The following ZNF710 variants were observed in gnomAD, a reference collection of about 807,000 sequenced individuals.
ZNF710 encodes zinc finger protein 710.
ZNF710 carries 13 observed loss-of-function variants against 50.6 expected under a neutral mutation model. The ratio of observed to expected loss-of-function variants is 0.26; its 90% confidence interval spans 0.17 to 0.41. The LOEUF (loss-of-function observed/expected upper bound fraction) is 0.41, where lower values mean the gene tolerates loss of function less well. Among genes scored for constraint, ZNF710 ranks in the 10% least tolerant of loss-of-function variants. The pLI, the probability that ZNF710 is intolerant of heterozygous loss-of-function variation, is 1.00. For missense variants in ZNF710, 721 were observed against 936.6 expected, an observed-to-expected ratio of 0.77 and a Z score of 3.01; for synonymous variants, 383 against 397.0, an observed-to-expected ratio of 0.96 and a Z score of 0.42.
chr15:90,067,811 C>G lies in ZNF710; in HGVS notation c.674C>G (p.Pro225Arg), dbSNP rs374982663. 7.3e-5 allele frequency: 116 copies of G among 1,583,250 alleles called. No individual in the cohort carries two copies. The highest frequency in any genetic ancestry group is 9.3e-5 in the Non-Finnish European group (108 of 1,164,774). ...ECGFEPPHLAPLSDPEAPSME... is the reference protein window; with the variant it reads ...ECGFEPPHLARLSDPEAPSME... Reference sequence around the variant, plus strand: ...GGGTTCGAGCCACCCCACCTGGCCCCCCTGAGTGACCCCGAGGCCCCCAGC... The same window carrying G: ...GGGTTCGAGCCACCCCACCTGGCCCGCCTGAGTGACCCCGAGGCCCCCAGC... Residue 225 changes from proline (P) to arginine (R), a missense_variant, in exon 2 of 5, where the codon CCC becomes CGC. Physicochemically the swap from Pro to Arg is moderately radical, Grantham distance 103. Coordinates refer to ENST00000268154, the MANE Select transcript of ZNF710 (RefSeq NM_198526.4). The surrounding 1 kb of genome is among the most constrained non-coding windows in gnomAD (Gnocchi z 8.1).
At chr15:90,057,030 C>G (rs907071517) in intron 1 of ZNF710, among the ~76,000 whole-genome samples, 2 of 152,188 alleles carry the variant, frequency 1.3e-5, no homozygotes, top group Non-Finnish European at 2.9e-5. Flanking sequence ...CCGCCACCCC[C>G]ACTTGCCCAA....
chr15:90,073,374 G>T (rs1260717493), intron 3 of ZNF710, 112 bp downstream of exon 3: 6 of 1,308,834 alleles, frequency 4.6e-6, no homozygotes, highest in Non-Finnish European at 6.3e-6. Context: ...GCGGGCAAGA[G>T]GAGCCCCGGC....
At chr15:90,049,294 G>C (rs1357007365) in intron 1 of ZNF710, among the ~76,000 whole-genome samples, 1 of 152,160 alleles carries the variant, frequency 6.6e-6, no homozygotes, top group Non-Finnish European at 1.5e-5. Context: ...GCAGTACAGC[G>C]AGGAGGTGGC....
Position 90,040,777 on chromosome 15 carries a change from C to G in ZNF710, c.-28-26333C>G, listed in dbSNP as rs370822094. 1.3e-5 allele frequency among the ~76,000 whole-genome samples: 2 copies of G among 152,198 alleles called. No individual in the cohort carries two copies. Among genetic ancestry groups the G allele is most frequent in the African/African-American group, 2.4e-5 (1 of 41,448 alleles). ...CTTACTTCCTCCTTCCTGTTATTTA[C>G]GTCCATGTTCTGAAATAATATGTTA... On this transcript the variant is annotated intron_variant, in intron 1 of 4. Coordinates refer to ENST00000268154, the MANE Select transcript of ZNF710 (RefSeq NM_198526.4). The surrounding 1 kb of genome is among the most constrained non-coding windows in gnomAD (Gnocchi z 4.6).
intron 1 of ZNF710, among the ~76,000 whole-genome samples, chr15:90,046,422 C>T (rs1292586829): frequency 6.6e-6 from 1 of 152,116 alleles, no homozygotes; most frequent in Non-Finnish European, 1.5e-5. Context: ...CTATCCCTGC[C>T]CCGCAGAGCC....
chr15:90,008,280 TCTCA>T (rs1469685404), intron 1 of ZNF710, among the ~76,000 whole-genome samples: 1 of 151,690 alleles, frequency 6.6e-6, no homozygotes, highest in Non-Finnish European at 1.5e-5. Flanking sequence ...TTGTCTTTTC[TCTCA>T]TTCATTTTGT....
At chr15:90,026,183 A>G (rs1161770388) in intron 1 of ZNF710, among the ~76,000 whole-genome samples, 1 of 151,714 alleles carries the variant, frequency 6.6e-6, no homozygotes, top group Non-Finnish European at 1.5e-5. Context: ...TTTTAAACAA[A>G]CAGTAAAGTA....
At chr15:90,033,815 C>G (rs563013520) in intron 1 of ZNF710, among the ~76,000 whole-genome samples, 1 of 152,340 alleles carries the variant, frequency 6.6e-6, no homozygotes, top group Non-Finnish European at 1.5e-5. Context: ...AGATGGCCTT[C>G]TGAGTCCTGC....
intron 1 of ZNF710, among the ~76,000 whole-genome samples, chr15:90,057,178 A>G (rs1213845676): frequency 6.6e-6 from 1 of 152,112 alleles, no homozygotes; most frequent in Non-Finnish European, 1.5e-5. Context: ...CTTTGGCCCA[A>G]GTTCTTTCAG....
chr15:90,039,334 T>C (rs1411937328), intron 1 of ZNF710, among the ~76,000 whole-genome samples: 1 of 151,874 alleles, frequency 6.6e-6, no homozygotes, highest in Non-Finnish European at 1.5e-5. Context: ...ATGATTTCAC[T>C]GGCAGGGCAG....
At chr15:89,999,811 C>T (rs1384522132), upstream of ZNF710, among the ~76,000 whole-genome samples, 2 of 151,954 alleles carry the variant, frequency 1.3e-5, no homozygotes, top group Non-Finnish European at 2.9e-5. Context: ...TCTGCTCCTC[C>T]CTGGGAGAAG....
chr15:90,081,293 T>C lies in ZNF710; in HGVS notation c.*1464T>C, dbSNP rs1243875975. 2.0e-5 allele frequency: 3 copies of C among 150,876 alleles called. No individual in the cohort carries two copies. The highest frequency in any genetic ancestry group is 7.3e-5 in the African/African-American group (3 of 40,932). 9.3% of individuals were successfully genotyped at this position (150,876 alleles called of 1,614,324 possible). Reference sequence around the variant, plus strand: ...AGATGACAGGCCCAGGGCAGTGAAATAGCACATTCAGGAACTCTAGGGCAC... The same window carrying C: ...AGATGACAGGCCCAGGGCAGTGAAACAGCACATTCAGGAACTCTAGGGCAC... On this transcript the variant is annotated 3_prime_UTR_variant, in exon 5 of 5. Coordinates refer to ENST00000268154, the MANE Select transcript of ZNF710 (RefSeq NM_198526.4).
intron 1 of ZNF710, among the ~76,000 whole-genome samples, chr15:90,033,244 C>T (rs1249913433): frequency 1.3e-5 from 2 of 152,156 alleles, no homozygotes; most frequent in African/African-American, 4.8e-5. Context: ...CGTGGCAGGA[C>T]TCAGGACTAA....
intron 1 of ZNF710, among the ~76,000 whole-genome samples, chr15:90,026,261 A>ACC (rs1412231554): frequency 3.5e-5 from 4 of 113,984 alleles, no homozygotes; most frequent in Non-Finnish European, 7.0e-5. Context: ...AAACAACAAC[A>ACC]ACAACAACAA....
intron 1 of ZNF710, among the ~76,000 whole-genome samples, chr15:90,016,904 G>A (rs1366452605): frequency 3.3e-5 from 5 of 152,242 alleles, no homozygotes; most frequent in African/African-American, 1.2e-4. Context: ...AGCCCAGCCA[G>A]CCACATCAGA....
intron 1 of ZNF710, among the ~76,000 whole-genome samples, chr15:90,030,350 A>AG (rs1555456691): frequency 1.3e-5 from 2 of 150,652 alleles, no homozygotes; most frequent in Non-Finnish European, 1.5e-5. Flanking sequence ...AAAAAAAAAA[A>AG]AAAGAAAGAA....
chr15:90,042,007 C>G (rs1899311174), intron 1 of ZNF710, among the ~76,000 whole-genome samples: 1 of 151,034 alleles, frequency 6.6e-6, no homozygotes, highest in Non-Finnish European at 1.5e-5. Flanking sequence ...AAGTGATTCT[C>G]CTGCCTCAGC....
rs557149179 is a variant in ZNF710, at chr15:90,061,690, C to T, written c.-28-5420C>T. ...CCTCTGCTCCTAGAGTGATGGGGTC[C>T]CCATGAGAGGAAAGGAGCACTGTTG... On this transcript the variant is annotated intron_variant, in intron 1 of 4. Coordinates refer to ENST00000268154, the MANE Select transcript of ZNF710 (RefSeq NM_198526.4). Among the ~76,000 whole-genome samples, 4 of 152,264 alleles carry T rather than the reference C, an allele frequency of 2.6e-5. No homozygotes were observed. The East Asian group carries it at 7.7e-4, about 29-fold the overall frequency.
At chr15:90,049,371 G>A (rs1285813807) in intron 1 of ZNF710, among the ~76,000 whole-genome samples, 1 of 152,162 alleles carries the variant, frequency 6.6e-6, no homozygotes, top group African/African-American at 2.4e-5. Flanking sequence ...GGCCGGAGGG[G>A]CCTCAACCCC....
Sources: gnomAD v4.1 joint callset for allele counts (sites outside exome capture counted in the v4.1 genomes callset) on GRCh38, gnomAD v4.1.1 for gene constraint, Gnocchi (gnomAD v3.1) non-coding constraint, MANE v1.5 for transcripts, NCBI Gene and HGNC (gene_info 2026-07-23, HGNC 2026-07-21) for gene names.